The following MAP7 variants were observed in gnomAD, a reference collection of about 807,000 sequenced individuals.
MAP7 encodes ensconsin.
MAP7 carries 52 observed loss-of-function variants against 94.8 expected under a neutral mutation model. That is an observed-to-expected ratio of 0.55 (90% CI 0.44 to 0.69). MAP7 has a LOEUF of 0.69. Among genes scored for constraint, MAP7 ranks in the 30% least tolerant of loss-of-function variants. MAP7 has a pLI of 0.00. For missense variants in MAP7, 940 were observed against 964.6 expected, an observed-to-expected ratio of 0.97 and a Z score of 0.34; for synonymous variants, 350 against 357.0, an observed-to-expected ratio of 0.98 and a Z score of 0.22.
At chr6:136,467,070 C>T (rs1016115937) in intron 1 of MAP7, among the ~76,000 whole-genome samples, 10 of 152,236 alleles carry the variant, frequency 6.6e-5, no homozygotes, top group African/African-American at 1.9e-4. Context: ...TGGCTATGGG[C>T]TGGGAGTAGG....
chr6:136,355,025 A>C (rs905116491), intron 16 of MAP7, among the ~76,000 whole-genome samples: 9 of 152,120 alleles, frequency 5.9e-5, no homozygotes, highest in African/African-American at 2.2e-4. Flanking sequence ...GCAGGTCAAG[A>C]CCAGCCTGGT....
intron 1 of MAP7, among the ~76,000 whole-genome samples, chr6:136,496,809 C>T (rs1583067610): frequency 7.1e-6 from 1 of 140,660 alleles, no homozygotes; most frequent in East Asian, 2.1e-4. Flanking sequence ...AAAAAATTAG[C>T]TAGGAGTGGT....
intron 1 of MAP7, among the ~76,000 whole-genome samples, chr6:136,527,314 T>C (rs73551913): frequency 8.0e-4 from 122 of 152,356 alleles, no homozygotes; most frequent in African/African-American, 2.9e-3. Context: ...CATTAAAACA[T>C]GCCAACTGCC....
chr6:136,457,128 C>A (rs1803541739), intron 1 of MAP7, among the ~76,000 whole-genome samples: 1 of 147,644 alleles, frequency 6.8e-6, no homozygotes, highest in Non-Finnish European at 1.5e-5. Context: ...ACTGATGCCA[C>A]AGAAATAAAA....
intron 1 of MAP7, among the ~76,000 whole-genome samples, chr6:136,533,652 T>C (rs1828655143): frequency 6.6e-6 from 1 of 152,224 alleles, no homozygotes; most frequent in Non-Finnish European, 1.5e-5. Flanking sequence ...TGCTGGTATT[T>C]GCTTCTGTTG....
intron 1 of MAP7, among the ~76,000 whole-genome samples, chr6:136,433,354 G>A (rs537917083): frequency 5.1e-4 from 78 of 152,282 alleles, no homozygotes; most frequent in African/African-American, 1.9e-3. Context: ...TCACTGATGT[G>A]TGAGACCACA....
intron 16 of MAP7, among the ~76,000 whole-genome samples, chr6:136,346,563 A>G (rs1787759093): frequency 1.3e-5 from 2 of 152,230 alleles, no homozygotes; most frequent in African/African-American, 4.8e-5. Flanking sequence ...CCCTGTCTCT[A>G]AACAACAACA....
rs1290892814 is a variant in MAP7, at chr6:136,452,559, A to AT, written c.68-30761dup. Among the ~76,000 whole-genome samples, 111 of 148,108 alleles carry AT rather than the reference A, an allele frequency of 7.5e-4. No homozygotes were observed. The Middle Eastern group carries it at 0.017, about 23-fold the overall frequency. Reference sequence around the variant, plus strand: ...CTTTTTAGCAATAATTTTTTTTTTAATTTTTTTTTTTGAGACAGAGTCTTG... The same window carrying AT: ...CTTTTTAGCAATAATTTTTTTTTTAATTTTTTTTTTTTGAGACAGAGTCTTG... On this transcript the variant is annotated intron_variant, in intron 1 of 17. Coordinates refer to ENST00000354570, the MANE Select transcript of MAP7 (RefSeq NM_003980.6).
intron 1 of MAP7, among the ~76,000 whole-genome samples, chr6:136,446,614 T>A (rs1397508781): frequency 6.6e-6 from 1 of 152,228 alleles, no homozygotes; most frequent in Admixed American, 6.5e-5. Flanking sequence ...GTCTTTCCTA[T>A]GACCAGCTCC....
intron 2 of MAP7, among the ~76,000 whole-genome samples, chr6:136,417,407 C>T (rs1194538542): frequency 6.6e-6 from 1 of 152,148 alleles, no homozygotes; most frequent in Non-Finnish European, 1.5e-5. Context: ...TCTGAGAGTA[C>T]GGTCATGCTA....
At chr6:136,380,113 G>A (rs371292052) in intron 6 of MAP7, among the ~76,000 whole-genome samples, 20 of 152,180 alleles carry the variant, frequency 1.3e-4, no homozygotes, top group East Asian at 9.6e-4. Flanking sequence ...CTATGGCATC[G>A]ATCCTATTTA....
chr6:136,446,550 G>A (rs1360795666), intron 1 of MAP7, among the ~76,000 whole-genome samples: 1 of 152,198 alleles, frequency 6.6e-6, no homozygotes, highest in Non-Finnish European at 1.5e-5. Context: ...CTCCCCAGAA[G>A]TTGGGGAGGT....
At chr6:136,420,102 T>C in intron 2 of MAP7, 1 of 859,052 alleles carries the variant, frequency 1.2e-6, no homozygotes, top group South Asian at 1.3e-5. Flanking sequence ...TAAAGGAAAT[T>C]ATAAATGCTT....
intron 1 of MAP7, among the ~76,000 whole-genome samples, chr6:136,527,203 A>G (rs141655417): frequency 6.6e-6 from 1 of 152,144 alleles, no homozygotes; most frequent in Non-Finnish European, 1.5e-5. Flanking sequence ...GAATCATGTG[A>G]CTATTGTTTT....
chr6:136,535,992 C>A (rs887852189), intron 1 of MAP7, among the ~76,000 whole-genome samples: 3 of 151,690 alleles, frequency 2.0e-5, no homozygotes, highest in African/African-American at 7.3e-5. Flanking sequence ...TGAGAACATG[C>A]GGTGTTTGGT....
intron 1 of MAP7, among the ~76,000 whole-genome samples, chr6:136,499,603 A>G: frequency 6.6e-6 from 1 of 152,108 alleles, no homozygotes; most frequent in East Asian, 1.9e-4. Context: ...AACAAGCCTA[A>G]TCTATAAAGT....
At chr6:136,419,118 G>A (rs969815021) in intron 2 of MAP7, among the ~76,000 whole-genome samples, 1 of 152,164 alleles carries the variant, frequency 6.6e-6, no homozygotes, top group Non-Finnish European at 1.5e-5. Context: ...TACACTGTGT[G>A]CAATCTCTCG....
chr6:136,382,188 T>A (rs1777998244), intron 6 of MAP7, among the ~76,000 whole-genome samples: 1 of 152,178 alleles, frequency 6.6e-6, no homozygotes, highest in South Asian at 2.1e-4. Context: ...CTAGAATACA[T>A]CTTTCTAATT....
intron 2 of MAP7, among the ~76,000 whole-genome samples, chr6:136,415,075 C>G (rs9389390): frequency 0.099 from 15,094 of 151,926 alleles, 1,628 homozygotes; most frequent in East Asian, 0.25. Flanking sequence ...AAAGTGCTGG[C>G]ATTACAAGCG....
Sources: gnomAD v4.1 joint callset for allele counts (sites outside exome capture counted in the v4.1 genomes callset) on GRCh38, gnomAD v4.1.1 for gene constraint, MANE v1.5 for transcripts, NCBI Gene and HGNC (gene_info 2026-07-23, HGNC 2026-07-21) for gene names.